The following RAB20 variants were observed in gnomAD, a reference collection of about 807,000 sequenced individuals.
RAB20 encodes the protein ras-related protein Rab-20.
Under a neutral mutation model 3.7 loss-of-function variants are expected in RAB20, and 2 were observed. The observed-to-expected ratio is 0.54, with a 90% CI of 0.22 to 1.69. RAB20 has a LOEUF of 1.69. RAB20 is among the 40% of genes most tolerant of loss of function. The probability of loss-of-function intolerance (pLI) is 0.19; values close to 1 mark genes in which losing one functional copy is unlikely to be tolerated. For missense variants in RAB20, 276 were observed against 311.9 expected (o/e 0.88, Z 0.87); for synonymous variants, 126 against 130.8 (o/e 0.96, Z 0.25).
intron 1 of RAB20, among the ~76,000 whole-genome samples, chr13:110,547,114 T>G (rs1001932104): frequency 6.6e-6 from 1 of 152,208 alleles, no homozygotes; most frequent in Non-Finnish European, 1.5e-5. Flanking sequence ...AAGCCTGGAA[T>G]GCCGCCAGTC....
intron 1 of RAB20, among the ~76,000 whole-genome samples, chr13:110,554,979 T>C (rs331601): frequency 0.94 from 142,494 of 151,984 alleles, 66,847 homozygotes; most frequent in South Asian, 0.96. Context: ...GCTGTGAAGC[T>C]GAGCGGCCCT....
intron 1 of RAB20, among the ~76,000 whole-genome samples, chr13:110,552,105 G>A (rs1382109906): frequency 2.0e-5 from 3 of 151,992 alleles, no homozygotes; most frequent in Admixed American, 6.5e-5. Flanking sequence ...TAAGACGGGC[G>A]CGGTAGCTCA....
rs13313297 is a variant in RAB20 at position 110,561,235 on chromosome 13, T to C, written c.172+113A>G. On this transcript the variant is annotated intron_variant, in intron 1 of 1. Transcript: ENST00000267328. ...GTGGGAAACCCCGAGAAGGAGGCAT[T>C]TGCTGTCCGAGGCCGGGACCCTGTG... 1.0e-3 allele frequency: 1,348 copies of C among 1,317,858 alleles called. 13 individuals carry two copies. Among genetic ancestry groups the C allele is most frequent in the South Asian group, 9.4e-3 (593 of 62,942 alleles). 81.6% of individuals were successfully genotyped at this position (1,317,858 alleles called of 1,614,324 possible). A position where few individuals can be genotyped will look rare whatever the true frequency, so the allele number is the denominator to read the frequency against.
rs116208037 is a variant in RAB20 at position 110,523,164 on chromosome 13, G to A, written c.*501C>T. ...TTCCTGATTTTGTATAAATGAACAC[G>A]TCGAGAGTCAGGATTATAAAGCATC... On this transcript the variant is annotated 3_prime_UTR_variant, in exon 2 of 2. Transcript: ENST00000267328. The A allele has an allele frequency of 2.4e-3, 980 of 400,522 alleles. 11 individuals carry two copies. Among genetic ancestry groups the A allele is most frequent in the African/African-American group, 0.017 (825 of 48,778 alleles). The allele number at this position is 400,522 out of a possible 1,614,324, so 24.8% of individuals were successfully genotyped here. A position where few individuals can be genotyped will look rare whatever the true frequency, so the allele number is the denominator to read the frequency against.
Position 110,561,697 on chromosome 13 carries a change from G to T in RAB20, c.-178C>A. On this transcript the variant is annotated 5_prime_UTR_variant, in exon 1 of 2. Transcript: ENST00000267328. Reference sequence around the variant, plus strand: ...CTCAAGAGAGGAAGCGCGTGTGCGCGCCCGGGAAGGAGCTGGGTGCAGAGC... The same window carrying T: ...CTCAAGAGAGGAAGCGCGTGTGCGCTCCCGGGAAGGAGCTGGGTGCAGAGC... The T allele has an allele frequency of 1.7e-6, 2 of 1,156,920 alleles. No homozygotes were observed. Among genetic ancestry groups the T allele is most frequent in the Non-Finnish European group, 2.3e-6 (2 of 887,528 alleles). 71.7% of individuals were successfully genotyped at this position (1,156,920 alleles called of 1,614,324 possible). A position where few individuals can be genotyped will look rare whatever the true frequency, so the allele number is the denominator to read the frequency against.
intron 1 of RAB20, among the ~76,000 whole-genome samples, chr13:110,526,119 C>T (rs1884426074): frequency 6.6e-6 from 1 of 152,248 alleles, no homozygotes; most frequent in Non-Finnish European, 1.5e-5. Flanking sequence ...GCCAGCTCAT[C>T]CCCTCCTCCC....
chr13:110,546,696 TTC>T (rs886847220), intron 1 of RAB20, among the ~76,000 whole-genome samples: 3 of 117,270 alleles, frequency 2.6e-5, no homozygotes, highest in Non-Finnish European at 6.0e-5. Flanking sequence ...CAAGCTGAAC[TTC>T]TGTTTTTTTT....
chr13:110,536,843 A>G (rs992221054), intron 1 of RAB20, among the ~76,000 whole-genome samples: 11 of 149,450 alleles, frequency 7.4e-5, no homozygotes, highest in Non-Finnish European at 1.3e-4. Flanking sequence ...GGTTTGCTAC[A>G]TATGTATACA....
At chr13:110,526,338 T>C (rs1455617239) in intron 1 of RAB20, among the ~76,000 whole-genome samples, 1 of 152,238 alleles carries the variant, frequency 6.6e-6, no homozygotes, top group Non-Finnish European at 1.5e-5. Flanking sequence ...CTGGGAGAAG[T>C]AAGCCTGGTT....
intron 1 of RAB20, among the ~76,000 whole-genome samples, chr13:110,559,459 T>A (rs1885096476): frequency 6.6e-6 from 1 of 152,158 alleles, no homozygotes; most frequent in Admixed American, 6.5e-5. Context: ...TACCTCTCTT[T>A]TCCCTTCAAG....
rs530291399 is a variant in RAB20 at position 110,524,338 on chromosome 13, T to C, written c.173-141A>G. ...GGATGAAATGCTTAAACATAGTTGA[T>C]GGAGAATGTGCCACCCATGGGCACC... On this transcript the variant is annotated intron_variant, in intron 1 of 1. Transcript: ENST00000267328. 1.6e-4 allele frequency: 203 copies of C among 1,309,540 alleles called. 2 individuals carry two copies. The South Asian group carries it at 2.7e-3, about 17-fold the overall frequency. 81.1% of individuals were successfully genotyped at this position (1,309,540 alleles called of 1,614,324 possible).
intron 1 of RAB20, among the ~76,000 whole-genome samples, chr13:110,525,370 G>C (rs755769179): frequency 3.3e-5 from 5 of 152,140 alleles, no homozygotes; most frequent in Non-Finnish European, 5.9e-5. Context: ...AAATCAACCC[G>C]GGTCAGAATA....
chr13:110,543,734 T>C (rs1884804580), intron 1 of RAB20, among the ~76,000 whole-genome samples: 1 of 152,014 alleles, frequency 6.6e-6, no homozygotes, highest in Non-Finnish European at 1.5e-5. Flanking sequence ...ATAGTTATAG[T>C]TTCAGGTCTT....
In RAB20 at chr13:110,524,007, C is replaced by A. The variant is rs1884383670; in HGVS notation, c.363G>T (p.Gly121=). 1.2e-6 allele frequency: 2 copies of A among 1,614,152 alleles called. No homozygotes were observed. The highest frequency in any genetic ancestry group is 2.7e-5 in the African/African-American group (2 of 75,044). ...VGNKVDLTEE[G]ALAGQEKEEC... The stretch of plus-strand genomic sequence containing the variant: ...CTTCCTTCTCCTGGCCCGCCAAGGC[C>A]CCCTCCTCAGTGAGGTCCACTTTGT... The change falls in exon 2 of 2, where the codon GGG becomes GGT. Residue 121 remains glycine (G), a synonymous_variant. Coordinates refer to ENST00000267328, the MANE Select transcript of RAB20 (RefSeq NM_017817.3).
Position 110,527,900 on chromosome 13 carries a change from T to TACACACACACACACACAC in RAB20, c.173-3721_173-3704dup, listed in dbSNP as rs61582404. On this transcript the variant is annotated intron_variant, in intron 1 of 1. Transcript: ENST00000267328. ...ATAGCAAGGCTCCTATCTCTACAAA[T>TACACACACACACACACAC]ACACACACACACACACACACACACA... Among the ~76,000 whole-genome samples the TACACACACACACACACAC allele has an allele frequency of 1.2e-3, 167 of 138,214 alleles. 3 individuals carry two copies. Among genetic ancestry groups the TACACACACACACACACAC allele is most frequent in the East Asian group, 2.2e-3 (10 of 4,498 alleles). The allele number at this position is 138,214 out of a possible 152,430, so 90.7% of individuals were successfully genotyped here.
intron 1 of RAB20, among the ~76,000 whole-genome samples, chr13:110,556,483 G>A (rs1885041271): frequency 6.6e-6 from 1 of 152,138 alleles, no homozygotes; most frequent in Non-Finnish European, 1.5e-5. Context: ...ACTCATTTGG[G>A]ACTTCTGACC....
At chr13:110,559,282 C>A (rs1885093867) in intron 1 of RAB20, among the ~76,000 whole-genome samples, 2 of 145,170 alleles carry the variant, frequency 1.4e-5, no homozygotes, top group Non-Finnish European at 3.0e-5. Context: ...TCCGGCTGGT[C>A]CTTACCATTC....
chr13:110,529,237 C>T (rs1004539091), intron 1 of RAB20, among the ~76,000 whole-genome samples: 4 of 152,236 alleles, frequency 2.6e-5, no homozygotes, highest in Non-Finnish European at 4.4e-5. Flanking sequence ...AGGACCCTCA[C>T]GCGTTTTCTG....
chr13:110,540,214 C>A (rs1234677239), intron 1 of RAB20, among the ~76,000 whole-genome samples: 3 of 152,240 alleles, frequency 2.0e-5, no homozygotes, highest in Non-Finnish European at 4.4e-5. Context: ...AGCTTTAAAA[C>A]ACACACTGGC....
Sources: allele counts gnomAD v4.1 joint callset (sites outside exome capture counted in the v4.1 genomes callset), GRCh38; gene constraint gnomAD v4.1.1; transcripts MANE v1.5; gene names NCBI Gene and HGNC (gene_info 2026-07-23, HGNC 2026-07-21).